LRRFIP1: variants seen among roughly 807,000 people sequenced by gnomAD.
LRRFIP1 encodes leucine-rich repeat flightless-interacting protein 1.
Under a neutral mutation model 104.4 loss-of-function variants are expected in LRRFIP1, and 62 were observed. The ratio of observed to expected loss-of-function variants is 0.59; its 90% confidence interval spans 0.48 to 0.73. The LOEUF is 0.73. Ranked by LOEUF, LRRFIP1 falls within the 30% of genes least tolerant of loss-of-function variation. The probability of loss-of-function intolerance (pLI) is 0.00; values close to 1 mark genes in which losing one functional copy is unlikely to be tolerated. For synonymous variants in LRRFIP1, 300 were observed against 299.0 expected (o/e 1.00, Z -0.03); for missense variants, 796 against 824.5 (o/e 0.97, Z 0.42).
chr2:237,741,411 A>G (rs1297115966), intron 11 of LRRFIP1, among the ~76,000 whole-genome samples: 9 of 152,240 alleles, frequency 5.9e-5, no homozygotes, highest in Non-Finnish European at 1.2e-4. Flanking sequence ...CTCATACTCT[A>G]TAGTAGAGCA....
At chr2:237,658,600 G>A (rs2087253175) in intron 1 of LRRFIP1, among the ~76,000 whole-genome samples, 1 of 152,196 alleles carries the variant, frequency 6.6e-6, no homozygotes, top group African/African-American at 2.4e-5. Flanking sequence ...GTTCAGCATA[G>A]CTGGAGAGGC....
intron 1 of LRRFIP1, among the ~76,000 whole-genome samples, chr2:237,630,939 T>A (rs2082258117): frequency 6.6e-6 from 1 of 152,174 alleles, no homozygotes; most frequent in Non-Finnish European, 1.5e-5. Context: ...TAGCAGTATC[T>A]CCCTGGTAAA....
intron 19 of LRRFIP1, chr2:237,762,503 A>C: frequency 1.1e-6 from 1 of 890,352 alleles, no homozygotes; most frequent in Non-Finnish European, 1.7e-6. Context: ...GTCTTTAGGA[A>C]TAGGGGTGGG....
intron 9 of LRRFIP1, among the ~76,000 whole-genome samples, chr2:237,734,343 C>A (rs886952158): frequency 7.1e-6 from 1 of 140,650 alleles, no homozygotes; most frequent in Non-Finnish European, 1.5e-5. Context: ...TGCAAGGGCA[C>A]GATCTCGGCT....
intron 1 of LRRFIP1, among the ~76,000 whole-genome samples, chr2:237,645,716 A>G (rs910996186): frequency 1.3e-4 from 20 of 152,056 alleles, no homozygotes; most frequent in African/African-American, 4.8e-4. Context: ...GTCACTCTTC[A>G]TGATGTACTC....
Position 237,753,443 on chromosome 2 carries a change from G to C in LRRFIP1, c.1002G>C (p.Leu334=). 1 of 1,596,848 alleles carries C rather than the reference G, an allele frequency of 6.3e-7. No homozygotes were observed. The highest frequency in any genetic ancestry group is 8.5e-7 in the Non-Finnish European group (1 of 1,176,138). Residue 334 remains leucine (L), a synonymous_variant, in exon 15 of 24, where the codon CTG becomes CTC. Transcript: ENST00000308482. ...TGTTGCTGGAGCTTGAAGAACAGCT[G>C]GCTGAATCTAGGCGGCAGTACGAAG... ...KDMLLELEEQ[L]AESRRQYEEK...
chr2:237,658,833 G>A (rs978671553), intron 1 of LRRFIP1, among the ~76,000 whole-genome samples: 2 of 152,110 alleles, frequency 1.3e-5, no homozygotes, highest in South Asian at 2.1e-4. Flanking sequence ...GAGATTATGG[G>A]GATTATGGAG....
At chr2:237,640,674 T>C (rs571240704) in intron 1 of LRRFIP1, among the ~76,000 whole-genome samples, 49 of 152,226 alleles carry the variant, frequency 3.2e-4, no homozygotes, top group Non-Finnish European at 6.0e-4. Flanking sequence ...CTTCTTAAAA[T>C]AGATGACCAG....
chr2:237,646,504 T>A (rs1206118279), intron 1 of LRRFIP1, among the ~76,000 whole-genome samples: 2 of 151,414 alleles, frequency 1.3e-5, no homozygotes, highest in African/African-American at 4.8e-5. Context: ...ATGGAAGCCC[T>A]TTCCTTAACT....
At chr2:237,719,713 T>C in intron 5 of LRRFIP1, 146 bp downstream of exon 5, 1 of 551,604 alleles carries the variant, frequency 1.8e-6, no homozygotes. Flanking sequence ...AATGATAGAA[T>C]ACTGATATTA....
intron 19 of LRRFIP1, chr2:237,765,632 G>A: frequency 4.1e-6 from 4 of 974,206 alleles, no homozygotes; most frequent in Non-Finnish European, 4.9e-6. Flanking sequence ...TTATGTCCCA[G>A]TATATTCTTA....
intron 1 of LRRFIP1, among the ~76,000 whole-genome samples, chr2:237,640,364 C>T (rs150612596): frequency 1.3e-5 from 2 of 151,988 alleles, no homozygotes; most frequent in African/African-American, 4.8e-5. Context: ...TTGATCTCTC[C>T]CTGTTCTGGA....
At chr2:237,674,394 T>C (rs920334472) in intron 1 of LRRFIP1, among the ~76,000 whole-genome samples, 3 of 152,230 alleles carry the variant, frequency 2.0e-5, no homozygotes, top group Non-Finnish European at 4.4e-5. Context: ...CAAAATGTGA[T>C]ACACTGCAAA....
In LRRFIP1 at chr2:237,733,778, C is replaced by T. The variant is rs2095120407; in HGVS notation, c.449C>T (p.Ser150Phe). The change falls in exon 9 of 24, where the codon TCC becomes TTC. Residue 150 changes from serine (S) to phenylalanine (F), a missense_variant. By Grantham distance (155) the Ser-to-Phe change is radical (BLOSUM62 -2). Transcript: ENST00000308482. ...QSLNRRSGRP[S>F]CLYSAARPSG... ...CCATTTGCTTTCATCCTCCAGCCCT[C>T]CTGTCTGTACAGCGCTGCCCGGCCT... is the stretch of plus-strand genomic sequence containing the variant. 2 of 1,614,042 alleles carry T rather than the reference C, an allele frequency of 1.2e-6. No homozygotes were observed. Among genetic ancestry groups the T allele is most frequent in the Non-Finnish European group, 1.7e-6 (2 of 1,179,884 alleles).
chr2:237,710,050 A>G (rs1158498181), intron 2 of LRRFIP1, among the ~76,000 whole-genome samples: 1 of 151,532 alleles, frequency 6.6e-6, no homozygotes, highest in Non-Finnish European at 1.5e-5. Context: ...ACGGGGTTTC[A>G]CCATGTTGGC....
rs79943060 is a variant in LRRFIP1, at chr2:237,640,689, T to C, written c.96+12949T>C. Among the ~76,000 whole-genome samples the C allele has an allele frequency of 8.9e-3, 1,360 of 152,312 alleles. 17 individuals carry two copies. Among genetic ancestry groups the C allele is most frequent in the African/African-American group, 0.031 (1,268 of 41,560 alleles). On this transcript the variant is annotated intron_variant, in intron 1 of 23. Transcript: ENST00000308482. Reference sequence around the variant, plus strand: ...CTTCTTAAAATAGATGACCAGATCATTGTCTTGTTCGGAATCCCTGCTGCC... The same window carrying C: ...CTTCTTAAAATAGATGACCAGATCACTGTCTTGTTCGGAATCCCTGCTGCC...
rs1025520703 is a variant in LRRFIP1 at position 237,739,291 on chromosome 2, G to A, written c.615G>A (p.Ser205=). Residue 205 remains serine (S), a synonymous_variant, in exon 11 of 24, where the codon TCG becomes TCA. Transcript: ENST00000308482. Reference sequence around the variant, plus strand: ...CCCGCGCCTCCTCCAGGGCCAGCTCGGCCCGGGCCAGCCCTGTGGTAAGTC... The same window carrying A: ...CCCGCGCCTCCTCCAGGGCCAGCTCAGCCCGGGCCAGCCCTGTGGTAAGTC... ...SSSRASSRAS[S]ARASPVVEER... 2.1e-5 allele frequency: 33 copies of A among 1,561,456 alleles called. No homozygotes were observed. Among genetic ancestry groups the A allele is most frequent in the East Asian group, 9.5e-5 (4 of 41,944 alleles).
At chr2:237,776,064 A>G (rs2061069360) in intron 23 of LRRFIP1, among the ~76,000 whole-genome samples, 1 of 152,024 alleles carries the variant, frequency 6.6e-6, no homozygotes, top group African/African-American at 2.4e-5. Flanking sequence ...TCCCAGGTTC[A>G]AGCCTCCCAC....
intron 1 of LRRFIP1, among the ~76,000 whole-genome samples, chr2:237,702,147 G>C (rs566940306): frequency 2.0e-5 from 3 of 152,148 alleles, no homozygotes; most frequent in African/African-American, 7.2e-5. Context: ...GTGCTTCCTC[G>C]TGTATTTTTA....
Sources: gnomAD v4.1 joint callset for allele counts (sites outside exome capture counted in the v4.1 genomes callset) on GRCh38, gnomAD v4.1.1 for gene constraint, MANE v1.5 for transcripts, NCBI Gene and HGNC (gene_info 2026-07-23, HGNC 2026-07-21) for gene names.